The following FANCC variants were observed in gnomAD, a reference collection of about 807,000 sequenced individuals.
The protein encoded by FANCC is Fanconi anemia group C protein.
Under a neutral mutation model 71.3 loss-of-function variants are expected in FANCC, and 55 were observed. That is an observed-to-expected ratio of 0.77 (90% CI 0.62 to 0.97). The LOEUF is 0.97. Among genes scored for constraint, FANCC ranks in the 50% least tolerant of loss-of-function variants. The pLI, the probability that FANCC is intolerant of heterozygous loss-of-function variation, is 0.00. For synonymous variants in FANCC, 275 were observed against 244.9 expected, an observed-to-expected ratio of 1.12 and a Z score of -1.15; for missense variants, 678 against 670.9, an observed-to-expected ratio of 1.01 and a Z score of -0.12.
chr9:95,110,293 T>C (rs1049421651), intron 13 of FANCC: 1 of 1,013,448 alleles, frequency 9.9e-7, no homozygotes, highest in East Asian at 6.8e-5. Context: ...ACCTTTTGAC[T>C]GTGATGGAAT....
At chr9:95,284,901 CACAA>C (rs901477703) in intron 1 of FANCC, among the ~76,000 whole-genome samples, 2 of 146,472 alleles carry the variant, frequency 1.4e-5, no homozygotes, top group South Asian at 2.2e-4. Context: ...CACACACACA[CACAA>C]ACATACGCAT....
At chr9:95,263,460 AG>A (rs1179651725) in intron 1 of FANCC, among the ~76,000 whole-genome samples, 3 of 146,702 alleles carry the variant, frequency 2.0e-5, no homozygotes, top group Non-Finnish European at 4.5e-5. Context: ...GACCCCAAAG[AG>A]TTTTATTTAT....
At chr9:95,200,189 G>T (rs1423532151) in intron 4 of FANCC, among the ~76,000 whole-genome samples, 1 of 152,094 alleles carries the variant, frequency 6.6e-6, no homozygotes, top group Non-Finnish European at 1.5e-5. Flanking sequence ...GTTCATGCAC[G>T]GTAGCAGTCA....
At chr9:95,112,837 C>T (rs1171457329) in intron 12 of FANCC, among the ~76,000 whole-genome samples, 1 of 152,228 alleles carries the variant, frequency 6.6e-6, no homozygotes, top group Non-Finnish European at 1.5e-5. Flanking sequence ...GAAGTGGGAG[C>T]CCCACGAGGT....
intron 4 of FANCC, among the ~76,000 whole-genome samples, chr9:95,189,533 G>A (rs1258881019): frequency 1.3e-5 from 2 of 152,212 alleles, no homozygotes; most frequent in Admixed American, 6.5e-5. Flanking sequence ...AGTTCCGGGG[G>A]GGGAAATAGA....
intron 13 of FANCC, chr9:95,109,466 C>A (rs1017636626): frequency 1.3e-5 from 2 of 150,472 alleles, no homozygotes; most frequent in African/African-American, 4.9e-5. Context: ...TCCTTTTTTT[C>A]TCTAGGCATC....
chr9:95,120,867 C>G (rs1433720397), intron 10 of FANCC, among the ~76,000 whole-genome samples: 1 of 151,644 alleles, frequency 6.6e-6, no homozygotes, highest in African/African-American at 2.4e-5. Context: ...TTCTTTTTTC[C>G]CCTCAATTTT....
chr9:95,252,290 A>G (rs1176056696), intron 1 of FANCC, among the ~76,000 whole-genome samples: 47 of 149,302 alleles, frequency 3.1e-4, no homozygotes, highest in Non-Finnish European at 3.4e-4. Context: ...AAAAAAAAAA[A>G]AAAAGAAAAA....
intron 4 of FANCC, among the ~76,000 whole-genome samples, chr9:95,215,777 T>A (rs527591746): frequency 6.6e-6 from 1 of 152,220 alleles, no homozygotes; most frequent in East Asian, 1.9e-4. Context: ...ACAGTCGGTA[T>A]CAACTAACGT....
At chr9:95,180,339 CTTT>C (rs34697587) in intron 4 of FANCC, among the ~76,000 whole-genome samples, 1,197 of 82,188 alleles carry the variant, frequency 0.015, 15 homozygotes, top group African/African-American at 0.052. Context: ...ACAGTTAACT[CTTT>C]TTTTTTTTTT....
At chr9:95,106,095 G>T in intron 14 of FANCC, among the ~76,000 whole-genome samples, 1 of 152,326 alleles carries the variant, frequency 6.6e-6, no homozygotes, top group Non-Finnish European at 1.5e-5. Context: ...GGAAGCATAT[G>T]AGTGTTCCGG....
At chr9:95,149,892 C>T (rs372708484) in intron 7 of FANCC, 31 bp downstream of exon 7, 150 of 1,571,138 alleles carry the variant, frequency 9.5e-5, no homozygotes, top group South Asian at 2.3e-4. Flanking sequence ...GGAAAAACGA[C>T]GCAGGATGAC....
intron 4 of FANCC, among the ~76,000 whole-genome samples, chr9:95,208,173 C>T (rs976012694): frequency 8.3e-5 from 12 of 144,072 alleles, no homozygotes; most frequent in Admixed American, 7.9e-4. Flanking sequence ...TCTCGGCTCA[C>T]GGCAACCACT....
intron 4 of FANCC, among the ~76,000 whole-genome samples, chr9:95,228,507 C>G (rs1401613345): frequency 6.6e-6 from 1 of 152,184 alleles, no homozygotes; most frequent in Non-Finnish European, 1.5e-5. Context: ...ACTGATTCAG[C>G]AAATAATCAC....
chr9:95,292,288 T>G, intron 1 of FANCC: 2 of 344,856 alleles, frequency 5.8e-6, no homozygotes, highest in Non-Finnish European at 8.3e-6. Flanking sequence ...TCTCACCACT[T>G]AGAAAAATCA....
At chr9:95,114,255 CA>C (rs1323145595) in intron 12 of FANCC, 2 of 346,358 alleles carry the variant, frequency 5.8e-6, no homozygotes, top group East Asian at 1.4e-4. Context: ...CCACAGGACC[CA>C]AACAAGTGCC....
rs143472133 is a variant in FANCC at position 95,161,904 on chromosome 9, C to T, written c.521+9175G>A. Among the ~76,000 whole-genome samples, 322 of 149,878 alleles carry T rather than the reference C, an allele frequency of 2.1e-3. 1 individual carries two copies. The highest frequency in any genetic ancestry group is 4.4e-3 in the South Asian group (21 of 4,772). On this transcript the variant is annotated intron_variant, in intron 6 of 14. Coordinates refer to ENST00000289081, the MANE Select transcript of FANCC (RefSeq NM_000136.3). The stretch of plus-strand genomic sequence containing the variant: ...TCACCCAGGCTGGAGTGCAATGGCA[C>T]GATCTCAGCTCACTGCAACCTCCGC...
intron 1 of FANCC, among the ~76,000 whole-genome samples, chr9:95,261,392 T>C (rs1832036570): frequency 6.6e-6 from 1 of 152,220 alleles, no homozygotes; most frequent in Non-Finnish European, 1.5e-5. Context: ...CCTAAATTCA[T>C]TTCATTACTA....
At chr9:95,165,476 G>GAT (rs1475133522) in intron 6 of FANCC, among the ~76,000 whole-genome samples, 4 of 151,994 alleles carry the variant, frequency 2.6e-5, no homozygotes, top group African/African-American at 9.6e-5. Context: ...CATAGGTTGT[G>GAT]ATATGTTGGG....
Sources: gnomAD v4.1 joint callset for allele counts (sites outside exome capture counted in the v4.1 genomes callset) on GRCh38, gnomAD v4.1.1 for gene constraint, MANE v1.5 for transcripts, NCBI Gene and HGNC (gene_info 2026-07-23, HGNC 2026-07-21) for gene names.